The following PACSIN2 variants were observed in gnomAD, a reference collection of about 807,000 sequenced individuals.
PACSIN2 encodes the protein protein kinase C and casein kinase substrate in neurons 2.
A neutral mutation model predicts 63.8 loss-of-function variants in PACSIN2; 25 were observed. That is an observed-to-expected ratio of 0.39 (90% CI 0.29 to 0.55). The LOEUF (loss-of-function observed/expected upper bound fraction) is 0.55. Ranked by LOEUF, PACSIN2 falls within the 20% of genes least tolerant of loss-of-function variation. The pLI, the probability that PACSIN2 is intolerant of heterozygous loss-of-function variation, is 0.62. For missense variants in PACSIN2, 518 were observed against 646.9 expected (o/e 0.80, Z 2.16); for synonymous variants, 255 against 256.2 (o/e 1.00, Z 0.05).
chr22:42,880,974 G>C (rs974039041), intron 7 of PACSIN2, among the ~76,000 whole-genome samples: 3 of 152,238 alleles, frequency 2.0e-5, no homozygotes, highest in African/African-American at 7.2e-5. Flanking sequence ...CTCCAGAGGA[G>C]AGGCTGGGCT....
intron 2 of PACSIN2, among the ~76,000 whole-genome samples, chr22:42,903,250 C>A (rs1930827493): frequency 6.6e-6 from 1 of 152,216 alleles, no homozygotes; most frequent in Non-Finnish European, 1.5e-5. Flanking sequence ...CACCCACCTT[C>A]CCTGGGGAGG....
intron 1 of PACSIN2, among the ~76,000 whole-genome samples, chr22:42,975,121 C>T (rs960303949): frequency 6.6e-6 from 1 of 152,110 alleles, no homozygotes; most frequent in Non-Finnish European, 1.5e-5. Flanking sequence ...CTCACATCAC[C>T]CTCTCTAAGG....
Position 43,010,398 on chromosome 22 carries a change from A to ATATATATATATATATATATATTTTTTT in PACSIN2, c.-78+4622_-78+4623insAAAAAAATATATATATATATATATATA. 6.3e-4 allele frequency among the ~76,000 whole-genome samples: 79 copies of ATATATATATATATATATATATTTTTTT among 126,386 alleles called. 2 individuals are homozygous for ATATATATATATATATATATATTTTTTT. The highest frequency in any genetic ancestry group is 1.1e-3 in the South Asian group (4 of 3,688). The allele number at this position is 126,386 out of a possible 152,430, so 82.9% of individuals were successfully genotyped here. ...TGTTTAAAAATACATATATATATAT[A>ATATATATATATATATATATATTTTTTT]TTTTTTTTTAATTGAAAATAAAAAA... On this transcript the variant is annotated intron_variant, in intron 1 of 10. Transcript: ENST00000263246.
chr22:42,954,254 C>A (rs963330095), intron 1 of PACSIN2, among the ~76,000 whole-genome samples: 1 of 152,166 alleles, frequency 6.6e-6, no homozygotes, highest in Non-Finnish European at 1.5e-5. Flanking sequence ...CTGGGCAAGA[C>A]CCTATCTTGA....
At chr22:42,931,956 A>T (rs1932787033) in intron 1 of PACSIN2, among the ~76,000 whole-genome samples, 1 of 152,172 alleles carries the variant, frequency 6.6e-6, no homozygotes, top group African/African-American at 2.4e-5. Flanking sequence ...GAGAACAGAA[A>T]ACCTATCCTC....
chr22:42,995,875 G>A (rs1203883391), intron 1 of PACSIN2, among the ~76,000 whole-genome samples: 1 of 151,996 alleles, frequency 6.6e-6, no homozygotes, highest in Non-Finnish European at 1.5e-5. Flanking sequence ...ACCAGCCTGG[G>A]CAACACAGTG....
intron 2 of PACSIN2, among the ~76,000 whole-genome samples, chr22:42,894,698 G>A (rs1349956250): frequency 5.3e-5 from 8 of 152,196 alleles, no homozygotes; most frequent in Non-Finnish European, 7.3e-5. Context: ...AAATGTTAAT[G>A]GCTAATTTGG....
chr22:42,975,821 C>T (rs1252044864), intron 1 of PACSIN2, among the ~76,000 whole-genome samples: 3 of 152,072 alleles, frequency 2.0e-5, no homozygotes, highest in Admixed American at 6.6e-5. Flanking sequence ...CTTATATATC[C>T]ATCACCTCTT....
intron 1 of PACSIN2, among the ~76,000 whole-genome samples, chr22:43,001,451 A>T (rs900658414): frequency 6.6e-6 from 1 of 152,270 alleles, no homozygotes; most frequent in African/African-American, 2.4e-5. Context: ...CCCCCAAAGC[A>T]TCAAGCAAAG....
At chr22:42,901,527 A>G (rs1393590279) in intron 2 of PACSIN2, among the ~76,000 whole-genome samples, 1 of 152,230 alleles carries the variant, frequency 6.6e-6, no homozygotes, top group African/African-American at 2.4e-5. Context: ...GTAACTTTGT[A>G]CAAGTCCCTC....
chr22:42,950,580 G>A (rs1369413947), intron 1 of PACSIN2, among the ~76,000 whole-genome samples: 1 of 152,204 alleles, frequency 6.6e-6, no homozygotes, highest in African/African-American at 2.4e-5. Context: ...CACCATTGCT[G>A]AAACTGACTG....
intron 1 of PACSIN2, among the ~76,000 whole-genome samples, chr22:42,955,301 AAACAAACG>A (rs1033138199): frequency 1.3e-4 from 19 of 150,608 alleles, no homozygotes; most frequent in African/African-American, 4.5e-4. Context: ...ATGAATGAAC[AAACAAACG>A]AACGAACGAA....
chr22:42,952,572 T>G (rs939394281), intron 1 of PACSIN2, among the ~76,000 whole-genome samples: 1 of 151,976 alleles, frequency 6.6e-6, no homozygotes, highest in Non-Finnish European at 1.5e-5. Context: ...TTGGCCAGGA[T>G]GGTCTCAGTC....
At chr22:42,974,748 C>CAAAAAAAAAA (rs763775543) in intron 1 of PACSIN2, among the ~76,000 whole-genome samples, 1 of 58,462 alleles carries the variant, frequency 1.7e-5, no homozygotes, top group Non-Finnish European at 3.7e-5. Flanking sequence ...GATCTTGTCT[C>CAAAAAAAAAA]AAAAAAAAAA....
At chr22:42,988,274 C>CT (rs752561785) in intron 1 of PACSIN2, among the ~76,000 whole-genome samples, 2 of 152,154 alleles carry the variant, frequency 1.3e-5, no homozygotes, top group Admixed American at 6.5e-5. Flanking sequence ...ACATTCACTG[C>CT]TAGGACCCTC....
chr22:42,977,302 T>C (rs1244975335), intron 1 of PACSIN2, among the ~76,000 whole-genome samples: 1 of 152,110 alleles, frequency 6.6e-6, no homozygotes, highest in South Asian at 2.1e-4. Context: ...AAATAATTTA[T>C]AGCCCTAATA....
intron 1 of PACSIN2, among the ~76,000 whole-genome samples, chr22:43,013,999 G>A (rs1924674921): frequency 6.6e-6 from 1 of 152,112 alleles, no homozygotes; most frequent in Admixed American, 6.5e-5. Flanking sequence ...GGCTGCAGCC[G>A]TGTGGGCCCC....
At chr22:42,957,062 A>G (rs1364203281) in intron 1 of PACSIN2, among the ~76,000 whole-genome samples, 1 of 152,126 alleles carries the variant, frequency 6.6e-6, no homozygotes, top group African/African-American at 2.4e-5. Context: ...GAAGCGAACT[A>G]AGCCACTGCG....
chr22:42,889,483 G>A (rs752334092), intron 4 of PACSIN2, among the ~76,000 whole-genome samples: 3 of 151,996 alleles, frequency 2.0e-5, no homozygotes, highest in Non-Finnish European at 4.4e-5. Flanking sequence ...AAGGCCTCAT[G>A]AGACACAGAC....
Sources: allele counts gnomAD v4.1 joint callset (sites outside exome capture counted in the v4.1 genomes callset), GRCh38; gene constraint gnomAD v4.1.1; transcripts MANE v1.5; gene names NCBI Gene and HGNC (gene_info 2026-07-23, HGNC 2026-07-21).